RXFP1: variants seen among roughly 807,000 people sequenced by gnomAD.
The protein encoded by RXFP1 is relaxin receptor 1.
In RXFP1, 73 loss-of-function variants were observed where a neutral mutation model predicts 89.8. The observed-to-expected ratio is 0.81, with a 90% CI of 0.67 to 0.99. The LOEUF is 0.99. Ranked by LOEUF, RXFP1 falls within the 50% of genes least tolerant of loss-of-function variation. The probability of loss-of-function intolerance (pLI) is 0.00; values close to 1 mark genes in which losing one functional copy is unlikely to be tolerated. For missense variants in RXFP1, 793 were observed against 895.5 expected (o/e 0.89, Z 1.46); for synonymous variants, 277 against 305.5 (o/e 0.91, Z 0.97).
Position 158,647,202 on chromosome 4 carries a change from G to GTAAGAAAC in RXFP1, c.1756+13_1756+20dup. ...ATTTATTCAGTGGCAATTTTTCTTG[G>GTAAGAAAC]TAAGAAACTAAGAAACTAATGTTCA... On this transcript the variant is annotated splice_donor_variant, in intron 16 of 17. Coordinates refer to ENST00000307765, the MANE Select transcript of RXFP1 (RefSeq NM_021634.4). LOFTEE classifies it high-confidence loss of function. 6.4e-7 allele frequency: 1 copy of GTAAGAAAC among 1,553,020 alleles called. No individual in the cohort carries two copies. Among genetic ancestry groups the GTAAGAAAC allele is most frequent in the South Asian group, 1.2e-5 (1 of 81,094 alleles).
intron 4 of RXFP1, among the ~76,000 whole-genome samples, chr4:158,602,856 C>A (rs1253412949): frequency 6.6e-6 from 1 of 152,130 alleles, no homozygotes; most frequent in Non-Finnish European, 1.5e-5. Context: ...CAGGTTCAAG[C>A]GATTCTCAGA....
intron 1 of RXFP1, chr4:158,544,018 A>G (rs988088396): frequency 8.1e-6 from 8 of 985,440 alleles, no homozygotes; most frequent in Non-Finnish European, 9.6e-6. Flanking sequence ...ATTTAAATAT[A>G]AAGATTCCCA....
chr4:158,607,480 AC>A (rs1037195979), intron 5 of RXFP1, among the ~76,000 whole-genome samples: 1 of 152,216 alleles, frequency 6.6e-6, no homozygotes, highest in African/African-American at 2.4e-5. Context: ...AAAACATCAT[AC>A]ACTTTTAGGT....
At chr4:158,585,768 T>C (rs1215579658) in intron 2 of RXFP1, among the ~76,000 whole-genome samples, 3 of 152,114 alleles carry the variant, frequency 2.0e-5, no homozygotes, top group Non-Finnish European at 4.4e-5. Flanking sequence ...CATAAAGAGA[T>C]AAAATATATA....
intron 9 of RXFP1, among the ~76,000 whole-genome samples, chr4:158,623,960 T>C (rs567759406): frequency 1.6e-4 from 24 of 152,258 alleles, no homozygotes; most frequent in African/African-American, 5.8e-4. Flanking sequence ...ATATCAGCCC[T>C]GAACTGCCCA....
chr4:158,606,887 A>C (rs1049487639), intron 5 of RXFP1, among the ~76,000 whole-genome samples: 1 of 152,186 alleles, frequency 6.6e-6, no homozygotes, highest in Middle Eastern at 3.4e-3. Context: ...GCCTATAATA[A>C]ATTTTATAAT....
chr4:158,601,749 G>A (rs1761729228), intron 4 of RXFP1, among the ~76,000 whole-genome samples: 1 of 152,212 alleles, frequency 6.6e-6, no homozygotes, highest in African/African-American at 2.4e-5. Context: ...TGAACCATAT[G>A]TAAGTATCAA....
Position 158,652,773 on chromosome 4 carries a change from G to A in RXFP1, c.*718G>A, listed in dbSNP as rs1246367370. 2 of 152,154 alleles carry A rather than the reference G, an allele frequency of 1.3e-5. No individual in the cohort carries two copies. The highest frequency in any genetic ancestry group is 2.9e-5 in the Non-Finnish European group (2 of 68,030). 9.4% of individuals were successfully genotyped at this position (152,154 alleles called of 1,614,324 possible). ...AATTGGAATAGGAGAGTATGAGTAC[G>A]GCAGAGAAGTGGATCAGAAAAACTA... is the stretch of plus-strand genomic sequence containing the variant. On this transcript the variant is annotated 3_prime_UTR_variant, in exon 18 of 18. Coordinates refer to ENST00000307765, the MANE Select transcript of RXFP1 (RefSeq NM_021634.4).
At chr4:158,537,332 A>C (rs1430302574) in intron 1 of RXFP1, among the ~76,000 whole-genome samples, 1 of 152,018 alleles carries the variant, frequency 6.6e-6, no homozygotes, top group Non-Finnish European at 1.5e-5. Flanking sequence ...TTGTCCCCCC[A>C]AAAAACAACT....
chr4:158,602,607 G>A (rs1761891625), intron 4 of RXFP1, among the ~76,000 whole-genome samples: 3 of 151,508 alleles, frequency 2.0e-5, no homozygotes, highest in Admixed American at 2.0e-4. Flanking sequence ...GGGCTGTTAA[G>A]ACTGAAGTTA....
At chr4:158,548,973 AT>A (rs1333880337) in intron 1 of RXFP1, among the ~76,000 whole-genome samples, 1 of 151,400 alleles carries the variant, frequency 6.6e-6, no homozygotes, top group East Asian at 1.9e-4. Context: ...CGTTCTCTGT[AT>A]TTCCTGAATC....
chr4:158,560,860 C>T (rs570783688), intron 1 of RXFP1, among the ~76,000 whole-genome samples: 39 of 152,302 alleles, frequency 2.6e-4, no homozygotes, highest in African/African-American at 8.9e-4. Flanking sequence ...CGGAACTGTG[C>T]CCCTTAGACA....
At chr4:158,590,135 T>C (rs1759131373) in intron 2 of RXFP1, among the ~76,000 whole-genome samples, 1 of 152,164 alleles carries the variant, frequency 6.6e-6, no homozygotes, top group Admixed American at 6.6e-5. Context: ...AGATTCTATA[T>C]AATGTAGGGA....
At chr4:158,588,375 T>G (rs879872884) in intron 2 of RXFP1, among the ~76,000 whole-genome samples, 3 of 152,140 alleles carry the variant, frequency 2.0e-5, no homozygotes, top group Non-Finnish European at 2.9e-5. Flanking sequence ...CTAGGTATAT[T>G]AGACAGAAAT....
intron 1 of RXFP1, among the ~76,000 whole-genome samples, chr4:158,538,796 T>G: frequency 1.5e-5 from 2 of 130,742 alleles, no homozygotes; most frequent in African/African-American, 6.3e-5. Flanking sequence ...AAGAGTGAAA[T>G]GCCGTCTCAA....
At chr4:158,621,267 G>A (rs1175408078) in intron 9 of RXFP1, among the ~76,000 whole-genome samples, 1 of 152,056 alleles carries the variant, frequency 6.6e-6, no homozygotes, top group African/African-American at 2.4e-5. Flanking sequence ...AGCTATGATT[G>A]TGCCACTACA....
Position 158,628,648 on chromosome 4 carries a change from A to G in RXFP1, c.838A>G (p.Lys280Glu), listed in dbSNP as rs747882616. Residue 280 changes from lysine (K) to glutamate (E), a missense_variant, in exon 11 of 18, where the codon AAA becomes GAA. Lys to Glu is a moderately conservative substitution (Grantham distance 56). Coordinates refer to ENST00000307765, the MANE Select transcript of RXFP1 (RefSeq NM_021634.4). The part of the protein sequence containing the change: ...CSNLTVLVMR[K>E]NKINHLNENT... ...TCTTTTTACTTTCAGAGTGATGAGGAAAAACAAAATTAATCACTTAAATGA... is the reference window on the plus strand; with the variant it reads ...TCTTTTTACTTTCAGAGTGATGAGGGAAAACAAAATTAATCACTTAAATGA... 3.9e-6 allele frequency: 6 copies of G among 1,552,258 alleles called. No individual in the cohort carries two copies. Among genetic ancestry groups the G allele is most frequent in the Non-Finnish European group, 5.3e-6 (6 of 1,128,764 alleles).
chr4:158,591,660 G>A lies in RXFP1; in HGVS notation c.188-1741G>A, dbSNP rs577459139. ...GCTACTCAGGAGCCTGAGGGAGGAG[G>A]ATCACTTGAGCCCAAGAGGGAGAGG... On this transcript the variant is annotated intron_variant, in intron 2 of 17. Coordinates refer to ENST00000307765, the MANE Select transcript of RXFP1 (RefSeq NM_021634.4). Among the ~76,000 whole-genome samples, 16 of 152,086 alleles carry A rather than the reference G, an allele frequency of 1.1e-4. No individual in the cohort carries two copies. In the South Asian group the frequency reaches 3.3e-3, roughly 32 times the overall value.
intron 1 of RXFP1, among the ~76,000 whole-genome samples, chr4:158,526,893 C>A (rs1365527937): frequency 6.6e-6 from 1 of 152,130 alleles, no homozygotes; most frequent in East Asian, 1.9e-4. Flanking sequence ...GTGCCAGCAA[C>A]TCTCTCCACC....
Sources: allele counts gnomAD v4.1 joint callset (sites outside exome capture counted in the v4.1 genomes callset), GRCh38; gene constraint gnomAD v4.1.1; transcripts MANE v1.5; gene names NCBI Gene and HGNC (gene_info 2026-07-23, HGNC 2026-07-21).